RFFL: variants seen among roughly 807,000 people sequenced by gnomAD.
RFFL encodes ring finger and FYVE like domain containing E3 ubiquitin protein ligase.
In RFFL, 16 loss-of-function variants were observed where a neutral mutation model predicts 40.4. The observed-to-expected ratio is 0.40, with a 90% CI of 0.27 to 0.60. RFFL has a LOEUF of 0.60. Among genes scored for constraint, RFFL ranks in the 20% least tolerant of loss-of-function variants. RFFL has a pLI of 0.47. For missense variants in RFFL, 367 were observed against 451.7 expected, an observed-to-expected ratio of 0.81 and a Z score of 1.70; for synonymous variants, 154 against 167.9, an observed-to-expected ratio of 0.92 and a Z score of 0.64.
At chr17:35,082,999 T>C (rs1378268962) in intron 1 of RFFL, among the ~76,000 whole-genome samples, 1 of 152,184 alleles carries the variant, frequency 6.6e-6, no homozygotes, top group Non-Finnish European at 1.5e-5. Context: ...CAATTATTCT[T>C]CCTCCCATGA....
intron 2 of RFFL, among the ~76,000 whole-genome samples, chr17:35,023,486 A>G (rs577873794): frequency 2.6e-5 from 4 of 152,386 alleles, no homozygotes; most frequent in East Asian, 3.9e-4. Context: ...AAAAGGATGC[A>G]TGGCTGCACT....
At chr17:35,071,788 AAACTGGT>A (rs2091352341) in intron 1 of RFFL, among the ~76,000 whole-genome samples, 1 of 152,192 alleles carries the variant, frequency 6.6e-6, no homozygotes, top group Non-Finnish European at 1.5e-5. Context: ...TAATAGCCCC[AAACTGGT>A]AACAACTAAA....
At chr17:35,030,103 T>TG (rs1414860473) in intron 1 of RFFL, among the ~76,000 whole-genome samples, 1 of 150,586 alleles carries the variant, frequency 6.6e-6, no homozygotes, top group Non-Finnish European at 1.5e-5. Flanking sequence ...GTTGGACATC[T>TG]GGGTTGGTTC....
upstream of RFFL, among the ~76,000 whole-genome samples, chr17:35,064,588 T>G (rs1266624209): frequency 6.6e-6 from 1 of 151,848 alleles, no homozygotes. Flanking sequence ...GCTTTTTGTG[T>G]GCTTTAATTT....
At chr17:35,083,139 A>G (rs939965031) in intron 1 of RFFL, among the ~76,000 whole-genome samples, 2 of 152,238 alleles carry the variant, frequency 1.3e-5, no homozygotes, top group Non-Finnish European at 2.9e-5. Flanking sequence ...ACATACAGAG[A>G]ATTCCCAGGC....
intron 5 of RFFL, 151 bp from the exon 6 acceptor site, chr17:35,014,914 G>A (rs564524823): frequency 2.7e-5 from 19 of 699,292 alleles, no homozygotes; most frequent in East Asian, 1.9e-4. Flanking sequence ...CCCTCTACTC[G>A]CTCTACATGC....
At position 35,014,725 on chromosome 17, in the gene RFFL, G is replaced by A. The variant is rs2142314354; in HGVS notation, c.910+15C>T. ...AAGGGCCTAAGCCCATTCCCAAACA[G>A]AAACAACTACATACCGTTTTGGTCT... On this transcript the variant is annotated intron_variant, in intron 6 of 6. Transcript: ENST00000394597. 1 of 1,612,708 alleles carries A rather than the reference G, an allele frequency of 6.2e-7. No homozygotes were observed. The highest frequency in any genetic ancestry group is 1.1e-5 in the South Asian group (1 of 91,052).
intron 1 of RFFL, among the ~76,000 whole-genome samples, chr17:35,079,518 G>C (rs1166178073): frequency 6.6e-6 from 1 of 152,176 alleles, no homozygotes; most frequent in Non-Finnish European, 1.5e-5. Flanking sequence ...ATGTGCTGTG[G>C]TGAGGATTTT....
In RFFL at chr17:35,006,513, C is replaced by T. The variant is rs1029748494; in HGVS notation, c.*5455G>A. 1 of 152,260 alleles carries T rather than the reference C, an allele frequency of 6.6e-6. No homozygotes were observed. Among genetic ancestry groups the T allele is most frequent in the Non-Finnish European group, 1.5e-5 (1 of 68,084 alleles). The allele number at this position is 152,260 out of a possible 1,614,324, so 9.4% of individuals were successfully genotyped here. A position where few individuals can be genotyped will look rare whatever the true frequency, so the allele number is the denominator to read the frequency against. On this transcript the variant is annotated 3_prime_UTR_variant, in exon 7 of 7. Transcript: ENST00000394597. ...GTCCTGAGCAACATTATGTAAAGCACTTAGCCCAGAGCCTAGCACATAGTT... is the reference window on the plus strand; with the variant it reads ...GTCCTGAGCAACATTATGTAAAGCATTTAGCCCAGAGCCTAGCACATAGTT...
At chr17:35,079,803 T>C (rs2091395429) in intron 1 of RFFL, among the ~76,000 whole-genome samples, 2 of 152,180 alleles carry the variant, frequency 1.3e-5, no homozygotes, top group Non-Finnish European at 2.9e-5. Context: ...AAGCTGAGAA[T>C]ATTCTGACAT....
intron 2 of RFFL, among the ~76,000 whole-genome samples, chr17:35,022,024 T>C (rs531735466): frequency 6.6e-6 from 1 of 152,370 alleles, no homozygotes; most frequent in South Asian, 2.1e-4. Flanking sequence ...ACATTTATTA[T>C]TTAATTTGAG....
At chr17:35,086,873 C>T (rs2091432941) in intron 1 of RFFL, among the ~76,000 whole-genome samples, 1 of 152,214 alleles carries the variant, frequency 6.6e-6, no homozygotes, top group Non-Finnish European at 1.5e-5. Flanking sequence ...ATTAGTCCCC[C>T]TAACAACTTC....
At chr17:35,062,754 TA>T (rs1296906647) in intron 1 of RFFL, among the ~76,000 whole-genome samples, 1 of 152,142 alleles carries the variant, frequency 6.6e-6, no homozygotes, top group Non-Finnish European at 1.5e-5. Context: ...AGCAGAAACG[TA>T]ATTTGGAGGG....
At chr17:35,055,800 A>G (rs2091258035) in intron 1 of RFFL, among the ~76,000 whole-genome samples, 1 of 152,110 alleles carries the variant, frequency 6.6e-6, no homozygotes, top group South Asian at 2.1e-4. Context: ...GTTTCTAAAG[A>G]TAGTATCTCT....
intron 1 of RFFL, 92 bp downstream of exon 1, chr17:35,063,484 A>C (rs949994482): frequency 6.5e-6 from 1 of 154,588 alleles, no homozygotes; most frequent in Non-Finnish European, 1.4e-5. Context: ...AAAAAAAAAA[A>C]AAACCTGACT....
rs897369454 is a variant in RFFL, at chr17:35,057,923, A to G, written c.-9+5653T>C. 1.2e-4 allele frequency among the ~76,000 whole-genome samples: 18 copies of G among 152,156 alleles called. No individual in the cohort carries two copies. The South Asian group carries it at 2.9e-3, about 25-fold the overall frequency. ...TTATGAGGCAGACACTATGTTAGAT[A>G]CTCGAAAGCAAAGCAGATGTATTTT... is the stretch of plus-strand genomic sequence containing the variant. On this transcript the variant is annotated intron_variant, in intron 1 of 6. Transcript: ENST00000394597.
At chr17:35,083,320 T>C (rs1468347937) in intron 1 of RFFL, among the ~76,000 whole-genome samples, 1 of 152,190 alleles carries the variant, frequency 6.6e-6, no homozygotes, top group African/African-American at 2.4e-5. Context: ...GAGGCCTCAC[T>C]GTAAAGCAAT....
At chr17:35,035,459 G>A (rs2091114840) in intron 1 of RFFL, among the ~76,000 whole-genome samples, 1 of 151,538 alleles carries the variant, frequency 6.6e-6, no homozygotes. Flanking sequence ...TCCAAGTTTA[G>A]GTGGAGAATG....
At position 35,017,723 on chromosome 17, in the gene RFFL, G is replaced by A. The variant is rs545630600; in HGVS notation, c.592-117C>T. On this transcript the variant is annotated intron_variant, in intron 3 of 6. Transcript: ENST00000394597. Reference sequence around the variant, plus strand: ...GTACTCCCATCATGCCCAGAAATCCGGAGCCTCTTACAGCATCATTACAAA... The same window carrying A: ...GTACTCCCATCATGCCCAGAAATCCAGAGCCTCTTACAGCATCATTACAAA... The A allele has an allele frequency of 1.3e-4, 91 of 710,188 alleles. No individual in the cohort carries two copies. In the Middle Eastern group the frequency reaches 1.4e-3, roughly 11 times the overall value. 44.0% of individuals were successfully genotyped at this position (710,188 alleles called of 1,614,324 possible).
Sources: allele counts gnomAD v4.1 joint callset (sites outside exome capture counted in the v4.1 genomes callset), GRCh38; gene constraint gnomAD v4.1.1; transcripts MANE v1.5; gene names NCBI Gene and HGNC (gene_info 2026-07-23, HGNC 2026-07-21).